The following COQ2 variants were observed in gnomAD, a reference collection of about 807,000 sequenced individuals.
COQ2 encodes the protein 4-hydroxybenzoate polyprenyltransferase, mitochondrial.
In COQ2, 25 loss-of-function variants were observed where a neutral mutation model predicts 35.7. That is an observed-to-expected ratio of 0.70 (90% CI 0.51 to 0.98). The LOEUF is 0.98. Ranked by LOEUF, COQ2 falls within the 50% of genes least tolerant of loss-of-function variation. The pLI, the probability that COQ2 is intolerant of heterozygous loss-of-function variation, is 0.00. For synonymous variants in COQ2, 206 were observed against 186.2 expected, an observed-to-expected ratio of 1.11 and a Z score of -0.86; for missense variants, 488 against 473.5, an observed-to-expected ratio of 1.03 and a Z score of -0.28.
Position 83,267,304 on chromosome 4 carries a change from G to A in COQ2, c.951+282C>T, listed in dbSNP as rs1734941793. 6.5e-5 allele frequency: 27 copies of A among 417,842 alleles called. 1 individual carries two copies. The highest frequency in any genetic ancestry group is 4.9e-4 in the South Asian group (25 of 50,568). The allele number at this position is 417,842 out of a possible 1,614,324, so 25.9% of individuals were successfully genotyped here. On this transcript the variant is annotated intron_variant, in intron 6 of 6. Coordinates refer to ENST00000647002, the MANE Select transcript of COQ2 (RefSeq NM_001358921.2). ...AGGTGGGAGGATTGCTTCAGTCCAG[G>A]AGTTAGAGGTTGCAGTGAGCTGTGA... is the stretch of plus-strand genomic sequence containing the variant.
At chr4:83,271,077 G>T (rs769380709) in intron 4 of COQ2, among the ~76,000 whole-genome samples, 1 of 152,066 alleles carries the variant, frequency 6.6e-6, no homozygotes, top group Non-Finnish European at 1.5e-5. Flanking sequence ...ATGATTCAAA[G>T]AACTAGAATC....
chr4:83,283,974 A>G (rs1735388710), intron 1 of COQ2: 1 of 985,454 alleles, frequency 1.0e-6, no homozygotes, highest in Non-Finnish European at 1.2e-6. Context: ...TGATGCAGGT[A>G]AAAGAGCTCC....
intron 2 of COQ2, among the ~76,000 whole-genome samples, chr4:83,277,308 C>G (rs565314584): frequency 3.3e-5 from 5 of 152,324 alleles, no homozygotes; most frequent in Non-Finnish European, 5.9e-5. Context: ...CCCATATCCT[C>G]CAGCCACACA....
chr4:83,264,881 C>A (rs994099844), intron 6 of COQ2, among the ~76,000 whole-genome samples: 2 of 152,186 alleles, frequency 1.3e-5, no homozygotes, highest in Non-Finnish European at 1.5e-5. Context: ...CAATGGAGAA[C>A]AAGTCCCATT....
chr4:83,268,177 A>G (rs775783537), intron 5 of COQ2, among the ~76,000 whole-genome samples: 2 of 152,236 alleles, frequency 1.3e-5, no homozygotes, highest in Non-Finnish European at 2.9e-5. Context: ...CTCAAATCTC[A>G]ATAATCTCCT....
intron 1 of COQ2, among the ~76,000 whole-genome samples, chr4:83,279,978 C>T (rs560186659): frequency 6.6e-6 from 1 of 151,634 alleles, no homozygotes; most frequent in Non-Finnish European, 1.5e-5. Flanking sequence ...CTCCTGCCTC[C>T]GCCTCCCCAG....
At chr4:83,284,948 G>A (rs1231053106), upstream of COQ2, 3 of 1,402,638 alleles carry the variant, frequency 2.1e-6, no homozygotes, top group Admixed American at 3.4e-5. Flanking sequence ...AATACTTAAT[G>A]AAAAAGGGAT....
chr4:83,267,337 A>AGC, intron 6 of COQ2: 1 of 425,188 alleles, frequency 2.4e-6, no homozygotes, highest in Non-Finnish European at 4.3e-6. Context: ...TGATTGCACC[A>AGC]CTGCACTCCA....
intron 2 of COQ2, among the ~76,000 whole-genome samples, chr4:83,277,775 G>A (rs1005851506): frequency 2.0e-5 from 3 of 152,180 alleles, no homozygotes; most frequent in Non-Finnish European, 2.9e-5. Flanking sequence ...TTCGAGACCA[G>A]CCTGACCAAC....
chr4:83,285,051 AAC>A (rs1735440602), upstream of COQ2: 13 of 621,710 alleles, frequency 2.1e-5, no homozygotes, highest in South Asian at 2.6e-4. Context: ...ATTATCGGGC[AAC>A]ACTCAGAACG....
intron 1 of COQ2, chr4:83,283,714 G>C: frequency 1.0e-6 from 1 of 985,340 alleles, no homozygotes; most frequent in Non-Finnish European, 1.2e-6. Context: ...GCCGGACAAC[G>C]TAGTAGGAAC....
In COQ2 at chr4:83,283,688, T is replaced by G. The variant is rs190655876; in HGVS notation, c.253+824A>C. ...CTTGAAAGCAAAGGGTTTCCATAGC[T>G]TTTTCTATCTCTATGGCCGGACAAC... On this transcript the variant is annotated intron_variant, in intron 1 of 6. Coordinates refer to ENST00000647002, the MANE Select transcript of COQ2 (RefSeq NM_001358921.2). 100 of 985,442 alleles carry G rather than the reference T, an allele frequency of 1.0e-4. No homozygotes were observed. In the East Asian group the frequency reaches 8.4e-3, roughly 83 times the overall value. 61.0% of individuals were successfully genotyped at this position (985,442 alleles called of 1,614,324 possible). A position where few individuals can be genotyped will look rare whatever the true frequency, so the allele number is the denominator to read the frequency against.
At chr4:83,267,313 G>A in intron 6 of COQ2, 1 of 419,054 alleles carries the variant, frequency 2.4e-6, no homozygotes, top group South Asian at 2.0e-5. Flanking sequence ...GGAGTTAGAG[G>A]TTGCAGTGAG....
intron 1 of COQ2, 58 bp from the exon 2 acceptor site, chr4:83,279,172 T>C: frequency 6.7e-7 from 1 of 1,487,132 alleles, no homozygotes; most frequent in South Asian, 1.4e-5. Flanking sequence ...ACTGTTTTCA[T>C]TTGTTTAAAC....
At chr4:83,276,307 C>G (rs6833236) in intron 2 of COQ2, among the ~76,000 whole-genome samples, 7 of 151,544 alleles carry the variant, frequency 4.6e-5, no homozygotes, top group Admixed American at 2.6e-4. Flanking sequence ...CTTTGTTGGA[C>G]GCATTGTTTG....
intron 1 of COQ2, chr4:83,283,508 A>G (rs945366022): frequency 1.2e-5 from 12 of 985,414 alleles, no homozygotes; most frequent in East Asian, 1.1e-4. Flanking sequence ...TGCAAAATCA[A>G]CTTGTCCTTT....
At chr4:83,285,094 A>G (rs2126177409), upstream of COQ2, among the ~76,000 whole-genome samples, 1 of 152,312 alleles carries the variant, frequency 6.6e-6, no homozygotes, top group African/African-American at 2.4e-5. Flanking sequence ...AAAAAATAGA[A>G]TCGGGCAACA....
At chr4:83,283,407 T>C in intron 1 of COQ2, 1 of 985,432 alleles carries the variant, frequency 1.0e-6, no homozygotes, top group Non-Finnish European at 1.2e-6. Context: ...CCACTTGGTG[T>C]TCCAGGTCAG....
intron 1 of COQ2, chr4:83,283,328 C>T: frequency 1.0e-6 from 1 of 985,436 alleles, no homozygotes; most frequent in African/African-American, 1.7e-5. Context: ...TCATCCTTCA[C>T]TTCTTCCTCC....
Sources: allele counts gnomAD v4.1 joint callset (sites outside exome capture counted in the v4.1 genomes callset), GRCh38; gene constraint gnomAD v4.1.1; transcripts MANE v1.5; gene names NCBI Gene and HGNC (gene_info 2026-07-23, HGNC 2026-07-21).